Variants in GPC5 observed in about 807,000 individuals in gnomAD.
GPC5 encodes glypican-5.
In GPC5, 47 loss-of-function variants were observed where a neutral mutation model predicts 53.9. The observed-to-expected ratio is 0.87, with a 90% CI of 0.69 to 1.11. The LOEUF is 1.11. Ranked by LOEUF, GPC5 falls within the 50% of genes most tolerant of loss-of-function variation. The pLI is 0.00. For synonymous variants in GPC5, 286 were observed against 263.3 expected (o/e 1.09, Z -0.84); for missense variants, 748 against 713.1 (o/e 1.05, Z -0.56).
chr13:91,625,689 AG>A (rs1304981469), intron 2 of GPC5, among the ~76,000 whole-genome samples: 2 of 152,130 alleles, frequency 1.3e-5, no homozygotes, highest in Non-Finnish European at 2.9e-5. Flanking sequence ...AGACTTCTAA[AG>A]TATCTAACAC....
intron 7 of GPC5, among the ~76,000 whole-genome samples, chr13:92,503,271 CCACAGTAG>C (rs1198279148): frequency 6.6e-6 from 1 of 151,754 alleles, no homozygotes; most frequent in Non-Finnish European, 1.5e-5. Context: ...GTCTGTTATT[CCACAGTAG>C]CATACTTTTT....
At chr13:92,350,510 CAA>C (rs915614810) in intron 7 of GPC5, among the ~76,000 whole-genome samples, 1 of 152,064 alleles carries the variant, frequency 6.6e-6, no homozygotes, top group Non-Finnish European at 1.5e-5. Context: ...GCAGAGAGCA[CAA>C]AGATAGTTAC....
chr13:91,569,442 A>G (rs543379645), intron 2 of GPC5, among the ~76,000 whole-genome samples: 1 of 152,212 alleles, frequency 6.6e-6, no homozygotes, highest in East Asian at 1.9e-4. Flanking sequence ...TATACTCTAC[A>G]TCAGTTTCTG....
chr13:92,527,878 A>T (rs974567818), intron 7 of GPC5, among the ~76,000 whole-genome samples: 12 of 152,164 alleles, frequency 7.9e-5, no homozygotes, highest in African/African-American at 2.9e-4. Flanking sequence ...GGTTAAAGAA[A>T]ATATTTAAGT....
chr13:91,407,107 C>A (rs753334539), intron 1 of GPC5, among the ~76,000 whole-genome samples: 2 of 151,990 alleles, frequency 1.3e-5, no homozygotes, highest in Non-Finnish European at 2.9e-5. Flanking sequence ...TTTGTAGATA[C>A]CTAATAGGTT....
At chr13:92,397,514 A>C (rs1388962047) in intron 7 of GPC5, among the ~76,000 whole-genome samples, 1 of 152,244 alleles carries the variant, frequency 6.6e-6, no homozygotes, top group Non-Finnish European at 1.5e-5. Flanking sequence ...AGCAGCGTGA[A>C]AACGGACTAA....
chr13:91,728,297 T>G (rs1041948087), intron 3 of GPC5, among the ~76,000 whole-genome samples: 2 of 152,186 alleles, frequency 1.3e-5, no homozygotes, highest in African/African-American at 4.8e-5. Flanking sequence ...CTTACACATG[T>G]ATACTGCATA....
At chr13:91,436,905 C>T (rs1359843796) in intron 1 of GPC5, among the ~76,000 whole-genome samples, 1 of 152,120 alleles carries the variant, frequency 6.6e-6, no homozygotes, top group Non-Finnish European at 1.5e-5. Flanking sequence ...AGATAGTTAG[C>T]TCTTCTTGTT....
intron 5 of GPC5, among the ~76,000 whole-genome samples, chr13:91,900,071 C>A (rs1344146702): frequency 6.6e-6 from 1 of 151,824 alleles, no homozygotes; most frequent in South Asian, 2.1e-4. Context: ...TCGTATCTTG[C>A]AAGTAATTTT....
chr13:91,563,121 T>C (rs2031358811), intron 2 of GPC5, among the ~76,000 whole-genome samples: 1 of 152,178 alleles, frequency 6.6e-6, no homozygotes, highest in African/African-American at 2.4e-5. Flanking sequence ...TCTCTTGTTT[T>C]AAATTTTACT....
intron 5 of GPC5, among the ~76,000 whole-genome samples, chr13:91,877,459 G>A (rs961712233): frequency 6.6e-6 from 1 of 152,208 alleles, no homozygotes. Context: ...AGGAGTCAAA[G>A]GAGATCATTC....
chr13:91,952,104 A>T (rs112384135), intron 6 of GPC5, among the ~76,000 whole-genome samples: 3 of 152,036 alleles, frequency 2.0e-5, no homozygotes, highest in African/African-American at 7.2e-5. Flanking sequence ...CTTATTTGGT[A>T]TATGTTCTGC....
intron 7 of GPC5, among the ~76,000 whole-genome samples, chr13:92,175,888 C>G (rs1228896307): frequency 6.6e-6 from 1 of 152,142 alleles, no homozygotes; most frequent in Non-Finnish European, 1.5e-5. Flanking sequence ...TCAAACCTGT[C>G]TCCTCATATA....
At chr13:91,805,913 G>GT (rs544422840) in intron 5 of GPC5, among the ~76,000 whole-genome samples, 5 of 148,080 alleles carry the variant, frequency 3.4e-5, no homozygotes, top group Non-Finnish European at 7.4e-5. Context: ...TGAAAATGTT[G>GT]TTTTTTAGCA....
chr13:91,907,153 T>C (rs925696769), intron 5 of GPC5, among the ~76,000 whole-genome samples: 8 of 149,306 alleles, frequency 5.4e-5, no homozygotes, highest in African/African-American at 1.9e-4. Context: ...AACATAGGTA[T>C]AATTGTTTTC....
chr13:92,321,929 C>G lies in GPC5; in HGVS notation c.1561+176940C>G, dbSNP rs560347868. 4.6e-5 allele frequency among the ~76,000 whole-genome samples: 7 copies of G among 152,074 alleles called. No individual in the cohort carries two copies. The South Asian group carries it at 1.5e-3, about 32-fold the overall frequency. On this transcript the variant is annotated intron_variant, in intron 7 of 7. Coordinates refer to ENST00000377067, the MANE Select transcript of GPC5 (RefSeq NM_004466.6). ...AGAAATAAATATAATAATAGCAAAA[C>G]AGTCTTTGTAACTTTAAATAATCTA...
intron 6 of GPC5, chr13:91,996,538 A>G (rs1264946072): frequency 6.6e-6 from 1 of 152,270 alleles, no homozygotes; most frequent in Non-Finnish European, 1.5e-5. Context: ...AAAATTAAAT[A>G]TAACACATAG....
At chr13:92,079,564 T>C (rs1310861713) in intron 6 of GPC5, among the ~76,000 whole-genome samples, 2 of 152,216 alleles carry the variant, frequency 1.3e-5, no homozygotes, top group Admixed American at 1.3e-4. Flanking sequence ...ATTAACTCAG[T>C]GTCTGCCATG....
At chr13:91,736,947 CA>C (rs1412639245) in intron 4 of GPC5, among the ~76,000 whole-genome samples, 2 of 149,832 alleles carry the variant, frequency 1.3e-5, no homozygotes, top group African/African-American at 5.0e-5. Flanking sequence ...CAGGTTACTT[CA>C]GATTATTATT....
Sources: gnomAD v4.1 joint callset for allele counts (sites outside exome capture counted in the v4.1 genomes callset) on GRCh38, gnomAD v4.1.1 for gene constraint, MANE v1.5 for transcripts, NCBI Gene and HGNC (gene_info 2026-07-23, HGNC 2026-07-21) for gene names.